The following TENM1 variants were observed in gnomAD, a reference collection of about 807,000 sequenced individuals.
The protein encoded by TENM1 is teneurin-1.
In TENM1, 35 loss-of-function variants were observed where a neutral mutation model predicts 174.8. The observed-to-expected ratio is 0.20, with a 90% CI of 0.15 to 0.27. The LOEUF (loss-of-function observed/expected upper bound fraction) is 0.27. TENM1 is among the 10% of genes least tolerant of loss of function. The pLI, the probability that TENM1 is intolerant of heterozygous loss-of-function variation, is 1.00. For synonymous variants in TENM1, 781 were observed against 798.7 expected (o/e 0.98, Z 0.37); for missense variants, 1,633 against 2,130.1 (o/e 0.77, Z 4.59).
At chrX:125,182,324 C>T in the TENM1 span, among the ~76,000 whole-genome samples, 1 of 109,415 alleles carries the variant, frequency 9.1e-6, no homozygotes, top group Non-Finnish European at 1.9e-5. Flanking sequence ...AGGATAATCT[C>T]CCTATTTTAA....
chrX:124,540,917 C>A (rs983925387), intron 15 of TENM1, among the ~76,000 whole-genome samples: 1 of 111,746 alleles, frequency 8.9e-6, no homozygotes, highest in Non-Finnish European at 1.9e-5. Flanking sequence ...TCTCTTAGCA[C>A]TAAATTTTGA....
At chrX:124,847,258 C>G (rs1033654193) in intron 3 of TENM1, among the ~76,000 whole-genome samples, 1 of 111,450 alleles carries the variant, frequency 9.0e-6, no homozygotes, top group African/African-American at 3.2e-5. Context: ...ACTAGGGCTT[C>G]ACTATAACAT....
rs150986880 is a variant in TENM1 at position 124,808,463 on chromosome X, G to A, written c.536-71266C>T. The stretch of plus-strand genomic sequence containing the variant: ...AATAAGGAAACATCAGACTTAAACT[G>A]CACTCTAGGCCAAATGGACCTAACG... On this transcript the variant is annotated intron_variant, in intron 3 of 31. Coordinates refer to ENST00000422452, the Ensembl canonical transcript of TENM1. 9.2e-4 allele frequency among the ~76,000 whole-genome samples: 103 copies of A among 111,803 alleles called. No individual in the cohort carries two copies. The East Asian group carries it at 0.025, about 27-fold the overall frequency.
At chrX:124,581,704 A>T (rs760442790) in intron 11 of TENM1, among the ~76,000 whole-genome samples, 6 of 77,403 alleles carry the variant, frequency 7.8e-5, no homozygotes, top group South Asian at 1.4e-3. Flanking sequence ...AGCATCTGTT[A>T]TTTTTTTTAA....
intron 15 of TENM1, among the ~76,000 whole-genome samples, chrX:124,530,978 TG>T (rs1173969851): frequency 9.0e-6 from 1 of 110,994 alleles, no homozygotes; most frequent in Non-Finnish European, 1.9e-5. Flanking sequence ...TTCACTGGTC[TG>T]CTGGGAGGAA....
At chrX:125,029,221 C>A in the TENM1 span, among the ~76,000 whole-genome samples, 1 of 111,098 alleles carries the variant, frequency 9.0e-6, no homozygotes, top group African/African-American at 3.3e-5. Context: ...TTACTTATAT[C>A]CTGATCTATG....
chrX:124,497,417 G>A (rs1365459702), intron 19 of TENM1, 152 bp from the exon 23 acceptor site: 12 of 546,924 alleles, frequency 2.2e-5, no homozygotes, highest in Admixed American at 4.0e-5. Flanking sequence ...CACTTTCCTC[G>A]GTTTTGTTTA....
the TENM1 span, among the ~76,000 whole-genome samples, chrX:125,070,115 T>C: frequency 9.1e-6 from 1 of 109,368 alleles, no homozygotes; most frequent in East Asian, 2.9e-4. Context: ...CACTTGAGCT[T>C]AAAAATTCGA....
chrX:125,084,846 G>C, the TENM1 span, among the ~76,000 whole-genome samples: 26 of 111,406 alleles, frequency 2.3e-4, no homozygotes, highest in African/African-American at 7.5e-4. Context: ...TAGAAATATG[G>C]TGAACAACCA....
chrX:124,562,768 T>C (rs957800527), intron 13 of TENM1, among the ~76,000 whole-genome samples: 2 of 112,605 alleles, frequency 1.8e-5, no homozygotes, highest in African/African-American at 6.4e-5. Context: ...TGCTACTGGG[T>C]ATTTTCCTAG....
chrX:125,096,870 A>G, the TENM1 span, among the ~76,000 whole-genome samples: 1 of 103,540 alleles, frequency 9.7e-6, no homozygotes. Flanking sequence ...TACTAGTAGC[A>G]GAGTAATGAT....
chrX:124,718,765 C>T (rs755562057), intron 4 of TENM1, among the ~76,000 whole-genome samples: 1 of 111,833 alleles, frequency 8.9e-6, no homozygotes, highest in African/African-American at 3.2e-5. Context: ...AAAAGTGATC[C>T]AGCAACAATA....
chrX:124,572,214 T>C (rs1289943572), intron 11 of TENM1, among the ~76,000 whole-genome samples: 1 of 111,890 alleles, frequency 8.9e-6, no homozygotes, highest in African/African-American at 3.2e-5. Flanking sequence ...CACCAGTATA[T>C]AGAAGTCACA....
rs1480868230 is a variant in TENM1 at position 124,825,275 on chromosome X, C to A, written c.535+69021G>T. ...TTCCAGTGATTCTCCCACCTCAGCA[C>A]CCCAAGTAGCTGGGATTACAGGCGC... is the stretch of plus-strand genomic sequence containing the variant. On this transcript the variant is annotated intron_variant, in intron 3 of 31. Coordinates refer to ENST00000422452, the Ensembl canonical transcript of TENM1. Among the ~76,000 whole-genome samples, 4 of 103,257 alleles carry A rather than the reference C, an allele frequency of 3.9e-5. No homozygotes were observed. The East Asian group carries it at 1.2e-3, about 31-fold the overall frequency. 89.7% of individuals were successfully genotyped at this position (103,257 alleles called of 115,157 possible).
chrX:124,408,046 A>G (rs1234511952), intron 25 of TENM1, among the ~76,000 whole-genome samples: 1 of 111,944 alleles, frequency 8.9e-6, no homozygotes. Flanking sequence ...AGAAGAACGG[A>G]GCATAGGAAG....
chrX:124,944,104 T>C, intron 1 of TENM1, among the ~76,000 whole-genome samples: 1 of 111,582 alleles, frequency 9.0e-6, no homozygotes, highest in Non-Finnish European at 1.9e-5. Context: ...CTGGATGAAG[T>C]ATAAAAGAGA....
At chrX:124,882,992 TTTTAA>T (rs1399818667) in intron 3 of TENM1, among the ~76,000 whole-genome samples, 3 of 112,248 alleles carry the variant, frequency 2.7e-5, no homozygotes, top group African/African-American at 6.5e-5. Context: ...ATTCCTGGGT[TTTTAA>T]TTTAATTTAA....
At chrX:124,953,006 C>A (rs1603290491) in intron 1 of TENM1, among the ~76,000 whole-genome samples, 1 of 111,407 alleles carries the variant, frequency 9.0e-6, no homozygotes, top group African/African-American at 3.3e-5. Flanking sequence ...CCTCTAGACC[C>A]TTTCAGAATT....
chrX:124,724,973 G>A (rs1032064825), intron 4 of TENM1, among the ~76,000 whole-genome samples: 16 of 111,433 alleles, frequency 1.4e-4, no homozygotes, highest in African/African-American at 4.6e-4. Flanking sequence ...AAGCAATAAC[G>A]TGCTGTATAT....
Sources: allele counts gnomAD v4.1 joint callset (sites outside exome capture counted in the v4.1 genomes callset), GRCh38; gene constraint gnomAD v4.1.1; transcripts MANE v1.5; gene names NCBI Gene and HGNC (gene_info 2026-07-23, HGNC 2026-07-21).